The following BACH2 variants were observed in gnomAD, a reference collection of about 807,000 sequenced individuals.
The protein encoded by BACH2 is transcription regulator protein BACH2.
A neutral mutation model predicts 61.8 loss-of-function variants in BACH2; 5 were observed. That is an observed-to-expected ratio of 0.08 (90% CI 0.04 to 0.17). BACH2 has a LOEUF of 0.17. BACH2 is among the 10% of genes least tolerant of loss of function. The pLI is 1.00. For synonymous variants in BACH2, 446 were observed against 440.1 expected (o/e 1.01, Z -0.17); for missense variants, 824 against 1,091.1 (o/e 0.76, Z 3.45).
intron 1 of BACH2, among the ~76,000 whole-genome samples, chr6:90,291,445 G>A (rs1045889579): frequency 2.0e-5 from 3 of 151,104 alleles, no homozygotes; most frequent in Non-Finnish European, 2.9e-5. Context: ...TACGGAAGCT[G>A]AGTAGCATGC....
chr6:90,007,682 A>G (rs1249921097), intron 6 of BACH2, among the ~76,000 whole-genome samples: 2 of 152,206 alleles, frequency 1.3e-5, no homozygotes, highest in Non-Finnish European at 2.9e-5. Context: ...ATCACTGTGA[A>G]GAGCTGCTTA....
At chr6:89,963,250 G>A (rs1276517428) in intron 6 of BACH2, among the ~76,000 whole-genome samples, 3 of 152,142 alleles carry the variant, frequency 2.0e-5, no homozygotes, top group African/African-American at 7.2e-5. Flanking sequence ...CAGCGAGGCC[G>A]TGGAGAAATT....
intron 3 of BACH2, among the ~76,000 whole-genome samples, chr6:90,218,497 C>CT: frequency 6.7e-6 from 1 of 148,646 alleles, no homozygotes; most frequent in East Asian, 2.1e-4. Flanking sequence ...TCCTCTTTTT[C>CT]TTTTCTTTCT....
At chr6:90,268,995 C>T (rs1263341909) in intron 2 of BACH2, among the ~76,000 whole-genome samples, 1 of 152,064 alleles carries the variant, frequency 6.6e-6, no homozygotes, top group Non-Finnish European at 1.5e-5. Context: ...ACTAAGAGAC[C>T]TGGAGAATAA....
intron 5 of BACH2, among the ~76,000 whole-genome samples, chr6:90,033,633 A>C (rs4053617): frequency 0.32 from 48,252 of 152,006 alleles, 8,213 homozygotes; most frequent in East Asian, 0.68. Context: ...AAATAACAGC[A>C]TATGCGTTGT....
At chr6:90,296,338 G>C (rs1283371261) in intron 1 of BACH2, 142 bp downstream of exon 1, 1 of 151,136 alleles carries the variant, frequency 6.6e-6, no homozygotes, top group South Asian at 2.1e-4. Context: ...GGGGAGGGCG[G>C]CTGCGCGCCC....
At chr6:90,101,663 T>C (rs1318935531) in intron 4 of BACH2, among the ~76,000 whole-genome samples, 2 of 152,210 alleles carry the variant, frequency 1.3e-5, no homozygotes, top group African/African-American at 4.8e-5. Context: ...GTCCCTTGCA[T>C]TTCCATATGA....
At chr6:90,209,910 C>T (rs1408569665) in intron 3 of BACH2, among the ~76,000 whole-genome samples, 1 of 152,136 alleles carries the variant, frequency 6.6e-6, no homozygotes, top group African/African-American at 2.4e-5. Flanking sequence ...TTTGCTGTCA[C>T]TCACAGGGCC....
chr6:90,063,015 T>C (rs1454676095), intron 5 of BACH2: 1 of 721,690 alleles, frequency 1.4e-6, no homozygotes, highest in African/African-American at 1.9e-5. Context: ...GGAAAAGAGT[T>C]TTTAGTGTAC....
intron 8 of BACH2, among the ~76,000 whole-genome samples, chr6:89,934,552 A>C (rs981388736): frequency 6.6e-6 from 1 of 152,146 alleles, no homozygotes; most frequent in Non-Finnish European, 1.5e-5. Flanking sequence ...CCAGCTACTT[A>C]GGCGGCTGGG....
chr6:90,217,816 T>G lies in BACH2; in HGVS notation c.-274-11135A>C, dbSNP rs1769590536. 3.3e-5 allele frequency among the ~76,000 whole-genome samples: 5 copies of G among 152,304 alleles called. No individual in the cohort carries two copies. The South Asian group carries it at 1.0e-3, about 32-fold the overall frequency. On this transcript the variant is annotated intron_variant, in intron 3 of 8. Coordinates refer to ENST00000257749, the MANE Select transcript of BACH2 (RefSeq NM_021813.4). ...AAAATTGATTCACTAACATTAATAC[T>G]GTTTGCCATGATGTGAGAGTTGGTC...
intron 5 of BACH2, among the ~76,000 whole-genome samples, chr6:90,029,556 T>C (rs531697754): frequency 1.5e-4 from 23 of 152,336 alleles, no homozygotes; most frequent in Non-Finnish European, 2.8e-4. Context: ...ATTTTACTCA[T>C]ATTTTGTTAA....
chr6:89,937,196 G>T (rs1425534676), intron 8 of BACH2, among the ~76,000 whole-genome samples: 10 of 152,140 alleles, frequency 6.6e-5, no homozygotes, highest in Admixed American at 6.5e-4. Flanking sequence ...AACTGCAAAA[G>T]AAAGGACCCT....
At chr6:90,089,925 T>C (rs1006614887) in intron 4 of BACH2, among the ~76,000 whole-genome samples, 38 of 152,124 alleles carry the variant, frequency 2.5e-4, no homozygotes, top group Non-Finnish European at 4.4e-5. Context: ...GGGGGTAAAA[T>C]AGAGCCTCAC....
intron 5 of BACH2, among the ~76,000 whole-genome samples, chr6:90,045,931 T>C (rs1229698504): frequency 1.3e-5 from 2 of 152,194 alleles, no homozygotes; most frequent in Non-Finnish European, 2.9e-5. Context: ...TTCATTCCCA[T>C]AGTCTTACAG....
At chr6:90,127,311 G>T (rs556017297) in intron 4 of BACH2, among the ~76,000 whole-genome samples, 1 of 152,198 alleles carries the variant, frequency 6.6e-6, no homozygotes, top group Non-Finnish European at 1.5e-5. Context: ...ATGAGAAGAC[G>T]TGGACCCCCT....
At chr6:90,023,719 C>A (rs890486441) in intron 5 of BACH2, among the ~76,000 whole-genome samples, 1 of 152,084 alleles carries the variant, frequency 6.6e-6, no homozygotes, top group Non-Finnish European at 1.5e-5. Context: ...AGAGCCCTCA[C>A]GAATGGGATT....
intron 6 of BACH2, among the ~76,000 whole-genome samples, chr6:89,997,305 C>T (rs1776904588): frequency 6.6e-6 from 1 of 152,156 alleles, no homozygotes; most frequent in African/African-American, 2.4e-5. Flanking sequence ...TTTAACTCAT[C>T]CAAAAAAATC....
intron 6 of BACH2, among the ~76,000 whole-genome samples, chr6:89,994,720 C>T (rs868213195): frequency 3.9e-5 from 6 of 152,178 alleles, no homozygotes; most frequent in Non-Finnish European, 7.3e-5. Flanking sequence ...TACTATGCCC[C>T]ATCCTTTTCC....
Sources: gnomAD v4.1 joint callset for allele counts (sites outside exome capture counted in the v4.1 genomes callset) on GRCh38, gnomAD v4.1.1 for gene constraint, MANE v1.5 for transcripts, NCBI Gene and HGNC (gene_info 2026-07-23, HGNC 2026-07-21) for gene names.